The following PLCB4 variants were observed in gnomAD, a reference collection of about 807,000 sequenced individuals.
PLCB4 encodes the protein phospholipase C beta 4, also known as 1-phosphatidylinositol 4,5-bisphosphate phosphodiesterase beta-4.
In PLCB4, 77 loss-of-function variants were observed where a neutral mutation model predicts 178.8. That is an observed-to-expected ratio of 0.43 (90% CI 0.36 to 0.52). The LOEUF (loss-of-function observed/expected upper bound fraction) is 0.52. PLCB4 is among the 20% of genes least tolerant of loss of function. The pLI, the probability that PLCB4 is intolerant of heterozygous loss-of-function variation, is 0.00. For missense variants in PLCB4, 1,024 were observed against 1,453.4 expected (o/e 0.70, Z 4.80); for synonymous variants, 496 against 490.8 (o/e 1.01, Z -0.14).
At position 9,149,075 on chromosome 20, in the gene PLCB4, A is replaced by T. The variant is rs551157595; in HGVS notation, c.-79+52733A>T. 7.8e-4 allele frequency among the ~76,000 whole-genome samples: 119 copies of T among 152,232 alleles called. 1 individual carries two copies. Among genetic ancestry groups the T allele is most frequent in the African/African-American group, 1.6e-3 (65 of 41,568 alleles). On this transcript the variant is annotated intron_variant, in intron 2 of 39. Transcript: ENST00000378473. ...CCTCCAGGTAGGTGTAGCCAACAGG[A>T]AGCACTGGTGGAAAACTGGAGGGCC...
intron 2 of PLCB4, among the ~76,000 whole-genome samples, chr20:9,098,972 CTG>C (rs1419226778): frequency 5.9e-5 from 9 of 151,324 alleles, no homozygotes; most frequent in Admixed American, 5.3e-4. Context: ...TTTTAAAACT[CTG>C]TATCATTCCT....
intron 2 of PLCB4, among the ~76,000 whole-genome samples, chr20:9,199,408 T>C (rs2093514316): frequency 6.6e-6 from 1 of 152,202 alleles, no homozygotes; most frequent in Non-Finnish European, 1.5e-5. Context: ...TAGATAACTT[T>C]GAGAATAAAC....
chr20:9,192,636 G>A lies in PLCB4; in HGVS notation c.-78-24754G>A, dbSNP rs1448522719. 1.3e-5 allele frequency among the ~76,000 whole-genome samples: 2 copies of A among 150,342 alleles called. 1 individual carries two copies. Among genetic ancestry groups the A allele is most frequent in the South Asian group, 4.2e-4 (2 of 4,728 alleles). ...GTCCTCCCAGGGTCTCCATAGGGAG[G>A]CCCTGTCTCTACAAAAACAAACAAA... On this transcript the variant is annotated intron_variant, in intron 2 of 39. Transcript: ENST00000378473.
chr20:9,125,174 A>C (rs544320241), intron 2 of PLCB4, among the ~76,000 whole-genome samples: 1 of 152,170 alleles, frequency 6.6e-6, no homozygotes, highest in East Asian at 1.9e-4. Context: ...TTCTGAAGCA[A>C]TTGCTAGTTT....
intron 4 of PLCB4, among the ~76,000 whole-genome samples, chr20:9,310,596 C>T (rs1568565016): frequency 6.6e-6 from 1 of 151,982 alleles, no homozygotes; most frequent in Admixed American, 6.6e-5. Context: ...CCTATAGTCC[C>T]AGCTACTTGG....
chr20:9,448,441 G>A (rs761435258), intron 32 of PLCB4, among the ~76,000 whole-genome samples: 2 of 151,960 alleles, frequency 1.3e-5, no homozygotes, highest in African/African-American at 2.4e-5. Context: ...CTAAGAACAG[G>A]GACTATTATT....
At chr20:9,386,934 C>T (rs2037721789) in intron 14 of PLCB4, among the ~76,000 whole-genome samples, 1 of 150,650 alleles carries the variant, frequency 6.6e-6, no homozygotes, top group Admixed American at 6.6e-5. Flanking sequence ...ACTTTGTTGC[C>T]CAGGCTGGAG....
intron 3 of PLCB4, among the ~76,000 whole-genome samples, chr20:9,265,619 C>T (rs982116820): frequency 2.0e-5 from 3 of 152,142 alleles, no homozygotes; most frequent in South Asian, 4.1e-4. Flanking sequence ...AGTTCTGTGG[C>T]CCTGGGTATG....
chr20:9,439,354 G>C (rs886227246), intron 30 of PLCB4, among the ~76,000 whole-genome samples: 7 of 152,168 alleles, frequency 4.6e-5, no homozygotes, highest in African/African-American at 1.7e-4. Flanking sequence ...TGAGTTTAAA[G>C]AGCAGCCCTT....
chr20:9,109,059 C>G (rs2091482789), intron 2 of PLCB4, among the ~76,000 whole-genome samples: 1 of 152,154 alleles, frequency 6.6e-6, no homozygotes, highest in Non-Finnish European at 1.5e-5. Context: ...TTAACACTAA[C>G]TTTAGCCTGA....
At chr20:9,260,695 T>TA (rs2147543251) in intron 3 of PLCB4, among the ~76,000 whole-genome samples, 1 of 152,220 alleles carries the variant, frequency 6.6e-6, no homozygotes, top group South Asian at 2.1e-4. Flanking sequence ...TCAGAAGTCT[T>TA]ATTGGATTGG....
intron 2 of PLCB4, among the ~76,000 whole-genome samples, chr20:9,116,790 T>TGAATGAGGGTGG (rs2091794791): frequency 6.6e-6 from 1 of 152,166 alleles, no homozygotes; most frequent in African/African-American, 2.4e-5. Context: ...GGGTGGGGAA[T>TGAATGAGGGTGG]GGACATCTTT....
At chr20:9,219,484 A>C (rs1168660575) in intron 3 of PLCB4, among the ~76,000 whole-genome samples, 1 of 151,992 alleles carries the variant, frequency 6.6e-6, no homozygotes, top group African/African-American at 2.4e-5. Flanking sequence ...ACTTTTACAG[A>C]GGCTTTGGAT....
rs543408542 is a variant in PLCB4, at chr20:9,340,632, C to A, written c.369+1595C>A. On this transcript the variant is annotated intron_variant, in intron 7 of 39. Transcript: ENST00000378473. ...CTGAGATCAACTCCTTCTCTAATTA[C>A]CAATTCATATTACAAGAAACAGGAT... Among the ~76,000 whole-genome samples the A allele has an allele frequency of 8.5e-5, 13 of 152,228 alleles. No individual in the cohort carries two copies. The East Asian group carries it at 2.5e-3, about 29-fold the overall frequency.
chr20:9,277,258 C>T (rs2094458041), intron 3 of PLCB4, among the ~76,000 whole-genome samples: 1 of 152,058 alleles, frequency 6.6e-6, no homozygotes, highest in African/African-American at 2.4e-5. Context: ...TGAAAGACCG[C>T]TCAGCCCATT....
At chr20:9,202,305 A>C (rs2147192922) in intron 2 of PLCB4, among the ~76,000 whole-genome samples, 1 of 152,362 alleles carries the variant, frequency 6.6e-6, no homozygotes, top group African/African-American at 2.4e-5. Flanking sequence ...TGTGGTGGTT[A>C]CATGGCTGTA....
intron 2 of PLCB4, among the ~76,000 whole-genome samples, chr20:9,182,237 C>T (rs1235226473): frequency 6.6e-6 from 1 of 152,142 alleles, no homozygotes; most frequent in Non-Finnish European, 1.5e-5. Context: ...TAGCTAGCTG[C>T]TGACTATTGG....
intron 21 of PLCB4, among the ~76,000 whole-genome samples, chr20:9,407,271 A>C (rs986022568): frequency 1.3e-5 from 2 of 152,184 alleles, no homozygotes; most frequent in African/African-American, 4.8e-5. Flanking sequence ...GATGCACGCT[A>C]ATGTTCGAGA....
intron 3 of PLCB4, among the ~76,000 whole-genome samples, chr20:9,253,200 C>T (rs976048145): frequency 6.6e-6 from 1 of 152,190 alleles, no homozygotes; most frequent in African/African-American, 2.4e-5. Context: ...CCAACTGTGA[C>T]TTCCCCACTG....
Sources: allele counts gnomAD v4.1 joint callset (sites outside exome capture counted in the v4.1 genomes callset), GRCh38; gene constraint gnomAD v4.1.1; transcripts MANE v1.5; gene names NCBI Gene and HGNC (gene_info 2026-07-23, HGNC 2026-07-21).